Variants in ADAM22 observed in about 807,000 individuals in gnomAD.
ADAM22 encodes the protein ADAM metallopeptidase domain 22, also known as disintegrin and metalloproteinase domain-containing protein 22.
Under a neutral mutation model 144.6 loss-of-function variants are expected in ADAM22, and 65 were observed. The observed-to-expected ratio is 0.45, with a 90% CI of 0.37 to 0.55. ADAM22 has a LOEUF of 0.55. Among genes scored for constraint, ADAM22 ranks in the 20% least tolerant of loss-of-function variants. The pLI is 0.00. For missense variants in ADAM22, 974 were observed against 1,184.9 expected (o/e 0.82, Z 2.61); for synonymous variants, 391 against 412.6 (o/e 0.95, Z 0.63).
chr7:87,945,770 C>A (rs1468257287), intron 2 of ADAM22, among the ~76,000 whole-genome samples: 1 of 152,136 alleles, frequency 6.6e-6, no homozygotes, highest in African/African-American at 2.4e-5. Flanking sequence ...GCCTCGGCCT[C>A]CCAAAGTGCT....
intron 31 of ADAM22, among the ~76,000 whole-genome samples, chr7:88,195,455 T>G (rs1178936421): frequency 3.3e-5 from 5 of 152,192 alleles, no homozygotes; most frequent in Non-Finnish European, 7.4e-5. Context: ...ACATCCTGCC[T>G]TGAATGTATC....
At chr7:87,969,195 A>G (rs1849850077) in intron 2 of ADAM22, among the ~76,000 whole-genome samples, 1 of 152,216 alleles carries the variant, frequency 6.6e-6, no homozygotes, top group South Asian at 2.1e-4. Context: ...AAGTTCTTTG[A>G]TGTCTTTACT....
intron 24 of ADAM22, among the ~76,000 whole-genome samples, chr7:88,166,503 C>G (rs1842969091): frequency 6.6e-6 from 1 of 152,054 alleles, no homozygotes. Context: ...GTATAGAAAT[C>G]AAATGCAGAC....
intron 3 of ADAM22, among the ~76,000 whole-genome samples, chr7:87,993,988 CAA>C (rs1790500553): frequency 6.6e-6 from 1 of 152,012 alleles, no homozygotes; most frequent in African/African-American, 2.4e-5. Context: ...AGAGAAAAAA[CAA>C]AATCAGCTTA....
Position 88,199,826 on chromosome 7 carries a change from GTTAC to G in ADAM22, c.*3338_*3341del, listed in dbSNP as rs1851035506. On this transcript the variant is annotated 3_prime_UTR_variant, in exon 32 of 32. Transcript: ENST00000413139. The stretch of plus-strand genomic sequence containing the variant: ...ACCATAGTTTCTCTCTCTTTTCCCT[GTTAC>G]TTTAAAAAGAATTTTAAAATTGTGT... The G allele has an allele frequency of 6.6e-6, 1 of 152,038 alleles. No homozygotes were observed. The highest frequency in any genetic ancestry group is 2.4e-5 in the African/African-American group (1 of 41,378). The allele number at this position is 152,038 out of a possible 1,614,324, so 9.4% of individuals were successfully genotyped here.
At chr7:87,999,986 C>T (rs1792143862) in intron 3 of ADAM22, among the ~76,000 whole-genome samples, 1 of 144,862 alleles carries the variant, frequency 6.9e-6, no homozygotes, top group African/African-American at 2.6e-5. Flanking sequence ...GAGCACATCT[C>T]TAAAAAAAAA....
intron 22 of ADAM22, among the ~76,000 whole-genome samples, chr7:88,157,934 C>T (rs1400830213): frequency 6.6e-6 from 1 of 151,920 alleles, no homozygotes; most frequent in African/African-American, 2.4e-5. Context: ...GGCCTAAATA[C>T]CCCATTTAAA....
chr7:88,139,357 G>A (rs1833940337), intron 14 of ADAM22, among the ~76,000 whole-genome samples: 1 of 152,034 alleles, frequency 6.6e-6, no homozygotes, highest in African/African-American at 2.4e-5. Context: ...GGCAGAGGTT[G>A]CAATGAGCCA....
At chr7:88,078,823 G>A (rs957192437) in intron 4 of ADAM22, among the ~76,000 whole-genome samples, 1 of 152,196 alleles carries the variant, frequency 6.6e-6, no homozygotes, top group African/African-American at 2.4e-5. Context: ...AATGAGCAAA[G>A]CCTCCAAGAA....
chr7:88,180,856 TAGC>T (rs1219097662), intron 27 of ADAM22, among the ~76,000 whole-genome samples: 4 of 152,114 alleles, frequency 2.6e-5, no homozygotes, highest in Admixed American at 6.6e-5. Context: ...AGGACACAAA[TAGC>T]AGGTGGGCTC....
At chr7:88,066,121 C>T (rs1401117206) in intron 3 of ADAM22, among the ~76,000 whole-genome samples, 2 of 152,120 alleles carry the variant, frequency 1.3e-5, no homozygotes, top group Non-Finnish European at 2.9e-5. Flanking sequence ...ACTCTGTCTT[C>T]TCACTAATGA....
intron 2 of ADAM22, among the ~76,000 whole-genome samples, chr7:87,948,014 T>G (rs1430566913): frequency 6.6e-6 from 1 of 152,020 alleles, no homozygotes; most frequent in Non-Finnish European, 1.5e-5. Flanking sequence ...TTACATCAGG[T>G]TTTCCCTGGA....
intron 5 of ADAM22, 114 bp downstream of exon 5, chr7:88,108,372 G>A: frequency 1.2e-6 from 1 of 809,924 alleles, no homozygotes; most frequent in Non-Finnish European, 1.9e-6. Context: ...ACTTTAAATT[G>A]GTGATGGATC....
chr7:88,075,124 G>C (rs200494102), intron 3 of ADAM22, among the ~76,000 whole-genome samples: 1 of 152,088 alleles, frequency 6.6e-6, no homozygotes, highest in Admixed American at 6.5e-5. Context: ...TTTCAAAAAA[G>C]AATAATTTTC....
chr7:88,005,178 A>G (rs1186303664), intron 3 of ADAM22, among the ~76,000 whole-genome samples: 1 of 151,896 alleles, frequency 6.6e-6, no homozygotes, highest in Admixed American at 6.6e-5. Context: ...GTGTTCACCC[A>G]CTCACTCCCC....
At chr7:88,189,870 G>A (rs1368443103) in intron 30 of ADAM22, among the ~76,000 whole-genome samples, 2 of 150,474 alleles carry the variant, frequency 1.3e-5, no homozygotes, top group African/African-American at 4.9e-5. Context: ...CTTGAACCTG[G>A]GAGGCGGAGG....
chr7:88,062,890 A>G (rs777519729), intron 3 of ADAM22, among the ~76,000 whole-genome samples: 1 of 152,200 alleles, frequency 6.6e-6, no homozygotes, highest in African/African-American at 2.4e-5. Context: ...CAATCAGTTG[A>G]GCAGTGAGAA....
chr7:88,162,097 T>TACACAG (rs1554510201), intron 22 of ADAM22, among the ~76,000 whole-genome samples: 1 of 136,744 alleles, frequency 7.3e-6, no homozygotes, highest in Non-Finnish European at 1.6e-5. Context: ...AAATGTGTAA[T>TACACAG]ACACACACAC....
At chr7:88,060,634 C>T (rs990736628) in intron 3 of ADAM22, among the ~76,000 whole-genome samples, 2 of 151,420 alleles carry the variant, frequency 1.3e-5, no homozygotes, top group Admixed American at 6.6e-5. Flanking sequence ...GGCATGGTGG[C>T]GGGTGCCTGT....
Sources: allele counts gnomAD v4.1 joint callset (sites outside exome capture counted in the v4.1 genomes callset), GRCh38; gene constraint gnomAD v4.1.1; transcripts MANE v1.5; gene names NCBI Gene and HGNC (gene_info 2026-07-23, HGNC 2026-07-21).